POU2F3: variants seen among roughly 807,000 people sequenced by gnomAD.
POU2F3 encodes the protein POU domain, class 2, transcription factor 3.
A neutral mutation model predicts 59.2 loss-of-function variants in POU2F3; 23 were observed. That is an observed-to-expected ratio of 0.39 (90% CI 0.28 to 0.55). The LOEUF is 0.55. Among genes scored for constraint, POU2F3 ranks in the 20% least tolerant of loss-of-function variants. The pLI is 0.66. For missense variants in POU2F3, 473 were observed against 544.5 expected, an observed-to-expected ratio of 0.87 and a Z score of 1.31; for synonymous variants, 190 against 214.6, an observed-to-expected ratio of 0.89 and a Z score of 1.00.
chr11:120,307,436 A>C lies in POU2F3; in HGVS notation c.770-43A>C, dbSNP rs753971790. The C allele has an allele frequency of 1.9e-6, 3 of 1,607,160 alleles. No homozygotes were observed. In the Admixed American group the frequency reaches 5.0e-5, roughly 27 times the overall value. ...AGATCCATGAAGGCACCGGCCACTC[A>C]TCCCCTTCTCTGAGCTTCCTCTGGT... On this transcript the variant is annotated intron_variant, in intron 8 of 12. Transcript: ENST00000543440.
intron 2 of POU2F3, among the ~76,000 whole-genome samples, chr11:120,268,577 A>G (rs1370472377): frequency 2.6e-5 from 4 of 152,184 alleles, no homozygotes; most frequent in Admixed American, 6.5e-5. Flanking sequence ...CCTGAGCTCA[A>G]GTGATCCTTC....
chr11:120,252,347 C>T (rs1302811939), intron 2 of POU2F3, among the ~76,000 whole-genome samples: 1 of 151,684 alleles, frequency 6.6e-6, no homozygotes, highest in Non-Finnish European at 1.5e-5. Flanking sequence ...GCTGGGATTA[C>T]AGGCCCACCA....
chr11:120,265,805 T>A (rs1939805718), intron 2 of POU2F3: 1 of 152,260 alleles, frequency 6.6e-6, no homozygotes, highest in African/African-American at 2.4e-5. Flanking sequence ...CTCATTCAAA[T>A]GCATATTGTC....
At chr11:120,260,706 G>A (rs1476309593) in intron 2 of POU2F3, among the ~76,000 whole-genome samples, 1 of 152,164 alleles carries the variant, frequency 6.6e-6, no homozygotes, top group African/African-American at 2.4e-5. Flanking sequence ...CACTGTGTGG[G>A]AGCAGGGATA....
intron 3 of POU2F3, among the ~76,000 whole-genome samples, chr11:120,270,701 T>C (rs1364770204): frequency 2.0e-5 from 3 of 152,118 alleles, no homozygotes; most frequent in Non-Finnish European, 4.4e-5. Flanking sequence ...GAAGTCACTG[T>C]TTTGTTTTTA....
At position 120,314,100 on chromosome 11, in the gene POU2F3, T is replaced by A. The variant is rs151068764; in HGVS notation, c.1069-1261T>A. On this transcript the variant is annotated intron_variant, in intron 10 of 12. Coordinates refer to ENST00000543440, the MANE Select transcript of POU2F3 (RefSeq NM_014352.4). ...AGAGGTAGGGAGATTATTGATAACA[T>A]CTCTTACCACTCTGCCACCCCTCCC... Among the ~76,000 whole-genome samples the A allele has an allele frequency of 5.1e-4, 78 of 152,146 alleles. 1 individual carries two copies. The East Asian group carries it at 0.015, about 29-fold the overall frequency.
In POU2F3 at chr11:120,319,453, T is replaced by C. The variant is rs1301138407; in HGVS notation, c.*1061T>C. On this transcript the variant is annotated 3_prime_UTR_variant, in exon 13 of 13. Transcript: ENST00000543440. ...ATTTTTTTTTCTTTTTCTTTTTTTT[T>C]TTTTTTTTTGAGACAGTCTTGCTCC... 6.8e-6 allele frequency: 1 copy of C among 146,540 alleles called. No homozygotes were observed. The highest frequency in any genetic ancestry group is 1.5e-5 in the Non-Finnish European group (1 of 67,010). 9.1% of individuals were successfully genotyped at this position (146,540 alleles called of 1,614,324 possible).
chr11:120,239,080 G>A (rs951079749), upstream of POU2F3, among the ~76,000 whole-genome samples: 1 of 152,122 alleles, frequency 6.6e-6, no homozygotes, highest in Admixed American at 6.5e-5. Flanking sequence ...GTGCCAGGGG[G>A]AAAGGACACT....
intron 3 of POU2F3, among the ~76,000 whole-genome samples, chr11:120,281,850 C>G (rs1940583391): frequency 6.6e-6 from 1 of 152,176 alleles, no homozygotes. Context: ...TCAGTTTCCT[C>G]TCTGTTCAAT....
intron 2 of POU2F3, among the ~76,000 whole-genome samples, chr11:120,251,777 G>A (rs909626104): frequency 2.1e-5 from 3 of 142,322 alleles, no homozygotes; most frequent in Admixed American, 7.0e-5. Context: ...CCAACCCCAC[G>A]TTTTCTCTTG....
At chr11:120,270,773 G>A (rs1055518051) in intron 3 of POU2F3, among the ~76,000 whole-genome samples, 3 of 152,172 alleles carry the variant, frequency 2.0e-5, no homozygotes, top group African/African-American at 7.2e-5. Flanking sequence ...GCTCACTGCA[G>A]CCTTGACTTC....
intron 6 of POU2F3, 75 bp downstream of exon 6, chr11:120,302,443 C>A: frequency 1.4e-6 from 2 of 1,424,608 alleles, no homozygotes; most frequent in Non-Finnish European, 2.0e-6. Context: ...TGGTTTCCCC[C>A]TACCCCTTTA....
At position 120,318,601 on chromosome 11, in the gene POU2F3, A is replaced by C; in HGVS notation, c.*209A>C. 1 of 557,932 alleles carries C rather than the reference A, an allele frequency of 1.8e-6. No homozygotes were observed. Among genetic ancestry groups the C allele is most frequent in the South Asian group, 2.5e-5 (1 of 39,850 alleles). 34.6% of individuals were successfully genotyped at this position (557,932 alleles called of 1,614,324 possible). ...AAGTGCAGACTCCTAATGCTCTTGA[A>C]ATACACAGCCCCTCCTAGGAGCTTA... On this transcript the variant is annotated 3_prime_UTR_variant, in exon 13 of 13. Transcript: ENST00000543440.
chr11:120,236,789 A>G, upstream of POU2F3: 3 of 1,309,418 alleles, frequency 2.3e-6, no homozygotes, highest in Non-Finnish European at 3.2e-6. Flanking sequence ...AGGAATAAAG[A>G]TTGCTCACCA....
intron 3 of POU2F3, among the ~76,000 whole-genome samples, chr11:120,271,905 G>A (rs902631136): frequency 6.6e-6 from 1 of 152,084 alleles, no homozygotes; most frequent in African/African-American, 2.4e-5. Flanking sequence ...GAGGGTGGAG[G>A]GAATTTTGGA....
chr11:120,293,367 C>T (rs541128674), intron 3 of POU2F3, among the ~76,000 whole-genome samples: 1 of 152,320 alleles, frequency 6.6e-6, no homozygotes, highest in South Asian at 2.1e-4. Context: ...GTACTTTCAG[C>T]CCTGTTCACT....
intron 3 of POU2F3, among the ~76,000 whole-genome samples, chr11:120,289,328 T>C (rs1232952007): frequency 1.3e-5 from 2 of 152,234 alleles, no homozygotes; most frequent in African/African-American, 2.4e-5. Context: ...CTTAGGCTCA[T>C]CTTCTTGAGT....
Position 120,307,475 on chromosome 11 carries a change from G to A in POU2F3, c.770-4G>A. On this transcript the variant is annotated splice_polypyrimidine_tract_variant and splice_region_variant and intron_variant, in intron 8 of 12. Coordinates refer to ENST00000543440, the MANE Select transcript of POU2F3 (RefSeq NM_014352.4). ...GCTTCCTCTGGTCCTTCGTGTCCCTGCAGAGTCCTCTCCGTCAGACCCCTC... is the reference window on the plus strand; with the variant it reads ...GCTTCCTCTGGTCCTTCGTGTCCCTACAGAGTCCTCTCCGTCAGACCCCTC... 6.2e-7 allele frequency: 1 copy of A among 1,614,002 alleles called. No homozygotes were observed. The highest frequency in any genetic ancestry group is 8.5e-7 in the Non-Finnish European group (1 of 1,179,910).
intron 10 of POU2F3, 70 bp downstream of exon 10, chr11:120,309,656 G>C: frequency 9.1e-6 from 14 of 1,542,826 alleles, no homozygotes; most frequent in African/African-American, 1.4e-5. Flanking sequence ...GAAGGTGGTG[G>C]CTGCAGGGAA....
Sources: gnomAD v4.1 joint callset for allele counts (sites outside exome capture counted in the v4.1 genomes callset) on GRCh38, gnomAD v4.1.1 for gene constraint, MANE v1.5 for transcripts, NCBI Gene and HGNC (gene_info 2026-07-23, HGNC 2026-07-21) for gene names.